CYRIB: variants seen among roughly 807,000 people sequenced by gnomAD.
CYRIB encodes CYFIP-related Rac1 interactor B.
A neutral mutation model predicts 44.2 loss-of-function variants in CYRIB; 8 were observed. The ratio of observed to expected loss-of-function variants is 0.18; its 90% CI spans 0.11 to 0.33. CYRIB has a LOEUF of 0.33. Among genes scored for constraint, CYRIB ranks in the 10% least tolerant of loss-of-function variants. CYRIB has a pLI of 1.00. For synonymous variants in CYRIB, 131 were observed against 127.2 expected (o/e 1.03, Z -0.20); for missense variants, 185 against 382.8 (o/e 0.48, Z 4.31).
intron 1 of CYRIB, among the ~76,000 whole-genome samples, chr8:129,987,381 C>T (rs2133074190): frequency 6.6e-6 from 1 of 152,236 alleles, no homozygotes; most frequent in Non-Finnish European, 1.5e-5. Flanking sequence ...CTAGGTCCCA[C>T]TTCCTACCCT....
chr8:130,009,515 G>A lies in CYRIB; in HGVS notation c.-296+6855C>T, dbSNP rs186418827. Among the ~76,000 whole-genome samples, 642 of 152,132 alleles carry A rather than the reference G, an allele frequency of 4.2e-3. 7 individuals carry two copies. The highest frequency in any genetic ancestry group is 0.015 in the African/African-American group (605 of 41,506). ...ACTCCTGACCTCAGGTGATCCACCCGCCTCGGCCTTCCAAAGTGCTGGGAT... is the reference window on the plus strand; with the variant it reads ...ACTCCTGACCTCAGGTGATCCACCCACCTCGGCCTTCCAAAGTGCTGGGAT... On this transcript the variant is annotated intron_variant, in intron 1 of 14. Transcript: ENST00000401979.
At chr8:129,850,345 A>G (rs752570729) in intron 9 of CYRIB, 3 of 157,890 alleles carry the variant, frequency 1.9e-5, no homozygotes, top group Admixed American at 6.6e-5. Flanking sequence ...GAGAGGAGAG[A>G]AAAAAAAACA....
At chr8:129,870,277 G>A (rs1416702188) in intron 4 of CYRIB, among the ~76,000 whole-genome samples, 3 of 152,214 alleles carry the variant, frequency 2.0e-5, no homozygotes, top group Non-Finnish European at 2.9e-5. Flanking sequence ...GGATCAGCCA[G>A]GCATGGTGGT....
intron 2 of CYRIB, among the ~76,000 whole-genome samples, chr8:129,967,879 C>T (rs1189455565): frequency 1.3e-5 from 2 of 152,182 alleles, no homozygotes; most frequent in African/African-American, 2.4e-5. Context: ...CCCTTAGTCC[C>T]TCTATGTAGA....
intron 4 of CYRIB, among the ~76,000 whole-genome samples, chr8:129,870,313 G>A (rs891201972): frequency 9.2e-5 from 14 of 152,204 alleles, no homozygotes; most frequent in Non-Finnish European, 1.5e-5. Flanking sequence ...GGGCGACTGA[G>A]GCAAGACGAT....
chr8:129,980,330 G>A (rs564752208), intron 1 of CYRIB, among the ~76,000 whole-genome samples: 4 of 152,154 alleles, frequency 2.6e-5, no homozygotes, highest in South Asian at 4.2e-4. Context: ...TGATTTTTGC[G>A]GTGGGGGAGG....
At chr8:129,929,781 A>T (rs1282541417) in intron 1 of CYRIB, among the ~76,000 whole-genome samples, 1 of 152,214 alleles carries the variant, frequency 6.6e-6, no homozygotes. Flanking sequence ...AATTTGCTAC[A>T]AGACTTTATG....
chr8:129,887,353 T>C (rs1381353359), intron 2 of CYRIB, among the ~76,000 whole-genome samples: 2 of 152,200 alleles, frequency 1.3e-5, no homozygotes, highest in African/African-American at 4.8e-5. Context: ...TTGTTGAGGC[T>C]TGGGAGTCTC....
chr8:129,906,051 C>T (rs2075200375), intron 1 of CYRIB, among the ~76,000 whole-genome samples: 1 of 151,980 alleles, frequency 6.6e-6, no homozygotes, highest in Non-Finnish European at 1.5e-5. Context: ...GATTCAATGC[C>T]ATCCCCATCA....
chr8:129,988,962 C>T (rs2096553875), intron 1 of CYRIB, among the ~76,000 whole-genome samples: 1 of 152,132 alleles, frequency 6.6e-6, no homozygotes, highest in African/African-American at 2.4e-5. Context: ...GTACAACCTT[C>T]CCATTTTACA....
chr8:129,914,959 C>T (rs2079942208), intron 1 of CYRIB, among the ~76,000 whole-genome samples: 1 of 152,106 alleles, frequency 6.6e-6, no homozygotes, highest in Non-Finnish European at 1.5e-5. Flanking sequence ...AGATGCTCAA[C>T]ACCATCGGGC....
At chr8:129,987,568 C>CTTTTTTTTTTTTTTTTTTT (rs34876735) in intron 1 of CYRIB, among the ~76,000 whole-genome samples, 1 of 127,024 alleles carries the variant, frequency 7.9e-6, no homozygotes, top group African/African-American at 3.2e-5. Context: ...TTTTTTTTTT[C>CTTTTTTTTTTTTTTTTTTT]TTTTTTTTTT....
rs1587792896 is a variant in CYRIB at position 129,864,190 on chromosome 8, T to A, written c.196-1856A>T. Reference sequence around the variant, plus strand: ...ATTTTTAAATGATGCTTAAACCCATTAGAAGCCTGAAGTCAATCCTACTTA... The same window carrying A: ...ATTTTTAAATGATGCTTAAACCCATAAGAAGCCTGAAGTCAATCCTACTTA... On this transcript the variant is annotated intron_variant, in intron 4 of 11. Coordinates refer to ENST00000519824, the Ensembl canonical transcript of CYRIB. 2.0e-5 allele frequency among the ~76,000 whole-genome samples: 3 copies of A among 152,376 alleles called. No individual in the cohort carries two copies. The South Asian group carries it at 6.2e-4, about 32-fold the overall frequency.
chr8:129,935,556 G>A (rs1354558886), intron 1 of CYRIB, among the ~76,000 whole-genome samples: 2 of 152,222 alleles, frequency 1.3e-5, no homozygotes, highest in Non-Finnish European at 2.9e-5. Context: ...CTCCTGTGGT[G>A]CAGTCCAGTT....
intron 2 of CYRIB, among the ~76,000 whole-genome samples, chr8:129,893,816 A>G (rs952721354): frequency 6.7e-6 from 1 of 149,512 alleles, no homozygotes; most frequent in Admixed American, 6.7e-5. Flanking sequence ...TATAGGCATG[A>G]GCCATCACAC....
At chr8:129,962,667 G>T (rs961326731) in intron 2 of CYRIB, among the ~76,000 whole-genome samples, 4 of 140,880 alleles carry the variant, frequency 2.8e-5, no homozygotes, top group South Asian at 5.4e-4. Flanking sequence ...TGATTTCAGA[G>T]CCCTCTTCTA....
intron 1 of CYRIB, among the ~76,000 whole-genome samples, chr8:129,985,019 C>T (rs1453336124): frequency 1.3e-5 from 2 of 152,194 alleles, no homozygotes; most frequent in African/African-American, 4.8e-5. Context: ...GATCGCCTGC[C>T]TCGGCCTCCC....
At chr8:129,855,532 T>G in intron 6 of CYRIB, 79 bp downstream of exon 8, 1 of 1,442,568 alleles carries the variant, frequency 6.9e-7, no homozygotes, top group Non-Finnish European at 9.7e-7. Context: ...ATTTTAACAA[T>G]GTTTCCCGGC....
At chr8:129,865,069 T>C (rs1325558144) in intron 4 of CYRIB, 1 of 158,956 alleles carries the variant, frequency 6.3e-6, no homozygotes, top group African/African-American at 2.4e-5. Flanking sequence ...CACTAATATA[T>C]GTTTGTATAA....
Sources: gnomAD v4.1 joint callset for allele counts (sites outside exome capture counted in the v4.1 genomes callset) on GRCh38, gnomAD v4.1.1 for gene constraint, MANE v1.5 for transcripts, NCBI Gene and HGNC (gene_info 2026-07-23, HGNC 2026-07-21) for gene names.